The following NHS variants were observed in gnomAD, a reference collection of about 807,000 sequenced individuals.
NHS encodes the protein NHS actin remodeling regulator, also known as actin remodeling regulator NHS.
A neutral mutation model predicts 72.5 loss-of-function variants in NHS; 5 were observed. The observed-to-expected ratio is 0.07, with a 90% CI of 0.04 to 0.14. NHS has a LOEUF of 0.14. Among genes scored for constraint, NHS ranks in the 10% least tolerant of loss-of-function variants. The pLI, the probability that NHS is intolerant of heterozygous loss-of-function variation, is 1.00. For missense variants in NHS, 1,072 were observed against 1,355.7 expected (o/e 0.79, Z 3.29); for synonymous variants, 464 against 547.7 (o/e 0.85, Z 2.13).
intron 1 of NHS, among the ~76,000 whole-genome samples, chrX:17,676,573 A>G (rs957580266): frequency 8.9e-6 from 1 of 112,913 alleles, no homozygotes; most frequent in Non-Finnish European, 1.9e-5. Context: ...CTGAAAGAGC[A>G]AATTCCTTAT....
rs1601766934 is a variant in NHS, at chrX:17,554,890, T to C, written c.566-132852T>C. On this transcript the variant is annotated intron_variant, in intron 1 of 8. Coordinates refer to ENST00000676302, the MANE Select transcript of NHS (RefSeq NM_001291867.2). ...TATACTTTAAGTTCTGGGATACATG[T>C]GCAGAATGTGCAGGTTTGTTACATA... is the stretch of plus-strand genomic sequence containing the variant. 2.7e-5 allele frequency among the ~76,000 whole-genome samples: 3 copies of C among 110,964 alleles called. No homozygotes were observed. The South Asian group carries it at 1.2e-3, about 43-fold the overall frequency.
intron 1 of NHS, among the ~76,000 whole-genome samples, chrX:17,665,907 A>G (rs2066010324): frequency 9.0e-6 from 1 of 111,722 alleles, no homozygotes; most frequent in Non-Finnish European, 1.9e-5. Flanking sequence ...TTTCTGTTTC[A>G]TCTAAGTTGT....
chrX:17,716,527 T>C (rs1380614450), intron 3 of NHS, among the ~76,000 whole-genome samples: 3 of 111,143 alleles, frequency 2.7e-5, no homozygotes, highest in Non-Finnish European at 5.7e-5. Flanking sequence ...CACATCATTG[T>C]CTGTGGCTGA....
intron 1 of NHS, among the ~76,000 whole-genome samples, chrX:17,610,846 G>A (rs772656169): frequency 6.2e-5 from 7 of 112,521 alleles, no homozygotes; most frequent in Non-Finnish European, 1.1e-4. Flanking sequence ...ATTGTATGCA[G>A]TGAATTTAGA....
At chrX:17,687,506 G>T (rs747851640) in intron 1 of NHS, 41 of 446,314 alleles carry the variant, frequency 9.2e-5, no homozygotes, top group Non-Finnish European at 1.4e-4. Flanking sequence ...CTAGTCATAG[G>T]TAGACGGTTG....
Position 17,733,890 on chromosome X carries a change from A to G in NHS, c.*1426A>G, listed in dbSNP as rs754495231. The G allele has an allele frequency of 1.3e-4, 14 of 111,462 alleles. No individual in the cohort carries two copies. The highest frequency in any genetic ancestry group is 1.1e-4 in the Non-Finnish European group (6 of 53,062). 9.2% of individuals were successfully genotyped at this position (111,462 alleles called of 1,213,427 possible). A position where few individuals can be genotyped will look rare whatever the true frequency, so the allele number is the denominator to read the frequency against. On this transcript the variant is annotated 3_prime_UTR_variant, in exon 9 of 9. Coordinates refer to ENST00000676302, the MANE Select transcript of NHS (RefSeq NM_001291867.2). ...GTGCTCTGATAAAATAAAGGCAGGG[A>G]AACAAGCTGAATTACTTGAAATTAC... is the stretch of plus-strand genomic sequence containing the variant.
intron 1 of NHS, among the ~76,000 whole-genome samples, chrX:17,561,566 G>A (rs866099746): frequency 1.7e-4 from 12 of 69,119 alleles, no homozygotes; most frequent in East Asian, 1.1e-3. Context: ...ATGCGCGCGC[G>A]CGCGCGCGCA....
chrX:17,577,578 T>TCCACTTTAAATTGAAATAC (rs1203228958), intron 1 of NHS, among the ~76,000 whole-genome samples: 1 of 111,741 alleles, frequency 8.9e-6, no homozygotes, highest in East Asian at 2.8e-4. Flanking sequence ...GGATTAAATA[T>TCCACTTTAAATTGAAATAC]CCACTTTAAA....
rs780156093 is a variant in NHS, at chrX:17,580,269, G to T, written c.566-107473G>T. On this transcript the variant is annotated intron_variant, in intron 1 of 8. Coordinates refer to ENST00000676302, the MANE Select transcript of NHS (RefSeq NM_001291867.2). ...TTCTTTAATGCCATACACTAGTTTG[G>T]GATGTACAGTTCTCTTTAGGTACTA... Among the ~76,000 whole-genome samples, 10 of 111,057 alleles carry T rather than the reference G, an allele frequency of 9.0e-5. No individual in the cohort carries two copies. The South Asian group carries it at 3.9e-3, about 43-fold the overall frequency.
intron 1 of NHS, among the ~76,000 whole-genome samples, chrX:17,531,609 C>A (rs2065199061): frequency 8.9e-6 from 1 of 112,971 alleles, no homozygotes; most frequent in South Asian, 3.6e-4. Flanking sequence ...TCTGTGACAC[C>A]ATTGGTCGTA....
At chrX:17,596,956 C>A (rs143200435) in intron 1 of NHS, among the ~76,000 whole-genome samples, 111 of 110,684 alleles carry the variant, frequency 1.0e-3, no homozygotes, top group African/African-American at 3.4e-3. Flanking sequence ...TTTTATGGGC[C>A]CACCTATATT....
intron 1 of NHS, among the ~76,000 whole-genome samples, chrX:17,623,283 C>T (rs1415241075): frequency 9.0e-6 from 1 of 111,469 alleles, no homozygotes; most frequent in Non-Finnish European, 1.9e-5. Context: ...TGTTGGCTTT[C>T]CAAGCAGGGA....
At chrX:17,489,945 C>T (rs1317654035) in intron 1 of NHS, among the ~76,000 whole-genome samples, 1 of 112,222 alleles carries the variant, frequency 8.9e-6, no homozygotes, top group Non-Finnish European at 1.9e-5. Context: ...AGTGTCTGTA[C>T]ATATACTTCA....
intron 1 of NHS, among the ~76,000 whole-genome samples, chrX:17,621,230 C>A (rs781215827): frequency 4.1e-4 from 46 of 112,008 alleles, no homozygotes; most frequent in African/African-American, 1.5e-3. Context: ...GAGTCCTGGG[C>A]AATGCCCAGG....
chrX:17,416,819 T>TGTGTGTGAGA (rs1445369548), intron 1 of NHS, among the ~76,000 whole-genome samples: 10 of 98,194 alleles, frequency 1.0e-4, no homozygotes, highest in African/African-American at 3.9e-4. Flanking sequence ...TGTGTGTGTG[T>TGTGTGTGAGA]GAGAGAGAGA....
chrX:17,662,034 C>T (rs190392945), intron 1 of NHS, among the ~76,000 whole-genome samples: 123 of 112,043 alleles, frequency 1.1e-3, no homozygotes, highest in Non-Finnish European at 2.1e-3. Flanking sequence ...AATCCATTTC[C>T]TCCACAGGTG....
Position 17,724,206 on chromosome X carries a change from C to T in NHS, c.1109-93C>T. 9 of 1,120,745 alleles carry T rather than the reference C, an allele frequency of 8.0e-6. No homozygotes were observed. The South Asian group carries it at 1.6e-4, about 21-fold the overall frequency. The allele number at this position is 1,120,745 out of a possible 1,213,427, so 92.4% of individuals were successfully genotyped here. On this transcript the variant is annotated intron_variant, in intron 5 of 8. Coordinates refer to ENST00000676302, the MANE Select transcript of NHS (RefSeq NM_001291867.2). ...TTCACAGGCTTAACCCAAACTCTTTCCTTACTTCCCGTCAAAAATATCACT... is the reference window on the plus strand; with the variant it reads ...TTCACAGGCTTAACCCAAACTCTTTTCTTACTTCCCGTCAAAAATATCACT...
intron 1 of NHS, among the ~76,000 whole-genome samples, chrX:17,414,324 A>C (rs1172445514): frequency 1.8e-5 from 2 of 112,471 alleles, no homozygotes; most frequent in Non-Finnish European, 3.8e-5. Context: ...GGAAGGCCAG[A>C]AACGAATCCC....
At chrX:17,650,374 A>G (rs1236686017) in intron 1 of NHS, among the ~76,000 whole-genome samples, 1 of 112,917 alleles carries the variant, frequency 8.9e-6, no homozygotes, top group Non-Finnish European at 1.9e-5. Context: ...ACAATGAAAG[A>G]CGTAGAGAAA....
Sources: gnomAD v4.1 joint callset for allele counts (sites outside exome capture counted in the v4.1 genomes callset) on GRCh38, gnomAD v4.1.1 for gene constraint, MANE v1.5 for transcripts, NCBI Gene and HGNC (gene_info 2026-07-23, HGNC 2026-07-21) for gene names.